Variants in NKAIN2 observed in about 807,000 individuals in gnomAD.
NKAIN2 encodes sodium/potassium transporting ATPase interacting 2, also known as sodium/potassium-transporting ATPase subunit beta-1-interacting protein 2.
Under a neutral mutation model 32.6 loss-of-function variants are expected in NKAIN2, and 14 were observed. The ratio of observed to expected loss-of-function variants is 0.43; its 90% confidence interval spans 0.28 to 0.67. The LOEUF (loss-of-function observed/expected upper bound fraction) is 0.67. Among genes scored for constraint, NKAIN2 ranks in the 30% least tolerant of loss-of-function variants. NKAIN2 has a pLI of 0.17. For missense variants in NKAIN2, 198 were observed against 258.3 expected (o/e 0.77, Z 1.60); for synonymous variants, 80 against 87.2 (o/e 0.92, Z 0.46).
In NKAIN2 at chr6:123,826,978, C is replaced by G. The variant is rs143522687; in HGVS notation, c.54+22724C>G. Among the ~76,000 whole-genome samples the G allele has an allele frequency of 1.8e-3, 280 of 152,204 alleles. 1 individual carries two copies. Among genetic ancestry groups the G allele is most frequent in the Non-Finnish European group, 3.2e-3 (221 of 68,004 alleles). On this transcript the variant is annotated intron_variant, in intron 1 of 6. Transcript: ENST00000368417. ...TCCCACCAGCAGTGCATAAGGGTTT[C>G]AGTTCCTCTGCATCCTGGCTGACAC...
At chr6:123,924,115 A>C (rs1255406168) in intron 1 of NKAIN2, among the ~76,000 whole-genome samples, 1 of 152,166 alleles carries the variant, frequency 6.6e-6, no homozygotes, top group Admixed American at 6.5e-5. Flanking sequence ...TTTATTGTCA[A>C]AGAATTTTCT....
At chr6:124,303,982 T>C (rs2114983761) in intron 2 of NKAIN2, among the ~76,000 whole-genome samples, 1 of 152,294 alleles carries the variant, frequency 6.6e-6, no homozygotes, top group Middle Eastern at 3.4e-3. Flanking sequence ...TGCCATTTAC[T>C]GTAGTGGGTG....
At chr6:124,657,813 G>C (rs12529293) in intron 3 of NKAIN2, among the ~76,000 whole-genome samples, 15,024 of 151,988 alleles carry the variant, frequency 0.099, 941 homozygotes, top group East Asian at 0.23. Context: ...AGCAGATTTA[G>C]AATAGCATGA....
intron 1 of NKAIN2, among the ~76,000 whole-genome samples, chr6:124,094,109 A>G (rs1784547691): frequency 6.6e-6 from 1 of 152,174 alleles, no homozygotes; most frequent in South Asian, 2.1e-4. Flanking sequence ...CAAGTCTGCC[A>G]TGTAACACCC....
chr6:124,648,551 C>A (rs1265356250), intron 3 of NKAIN2, among the ~76,000 whole-genome samples: 1 of 152,092 alleles, frequency 6.6e-6, no homozygotes, highest in Non-Finnish European at 1.5e-5. Context: ...GTTCAACATG[C>A]AAGAGAACTG....
chr6:124,510,285 T>C (rs1045876678), intron 3 of NKAIN2, among the ~76,000 whole-genome samples: 10 of 152,292 alleles, frequency 6.6e-5, no homozygotes, highest in Non-Finnish European at 1.5e-4. Context: ...TAAATTTTCA[T>C]TTTTTCTTTA....
chr6:124,558,307 G>T (rs531042), intron 3 of NKAIN2, among the ~76,000 whole-genome samples: 111,507 of 152,108 alleles, frequency 0.73, 42,384 homozygotes, highest in East Asian at 1. Flanking sequence ...AAGACATAAT[G>T]GAAGGTCTTG....
At chr6:124,617,192 C>A (rs915058114) in intron 3 of NKAIN2, among the ~76,000 whole-genome samples, 3 of 152,158 alleles carry the variant, frequency 2.0e-5, no homozygotes, top group Admixed American at 1.3e-4. Flanking sequence ...TCTTTTAGGG[C>A]TTAGTACTTA....
At chr6:124,004,724 TG>T (rs983940750) in intron 1 of NKAIN2, among the ~76,000 whole-genome samples, 7 of 151,042 alleles carry the variant, frequency 4.6e-5, no homozygotes, top group African/African-American at 1.5e-4. Context: ...GGTGGGGGGA[TG>T]GGGGAGGTAT....
chr6:124,717,090 A>G (rs1775790967), intron 4 of NKAIN2, among the ~76,000 whole-genome samples: 1 of 152,252 alleles, frequency 6.6e-6, no homozygotes, highest in Non-Finnish European at 1.5e-5. Context: ...CCAGAACTAC[A>G]GTACACACAA....
At chr6:124,687,973 G>T (rs531192260) in intron 4 of NKAIN2, among the ~76,000 whole-genome samples, 11 of 151,292 alleles carry the variant, frequency 7.3e-5, no homozygotes, top group African/African-American at 2.4e-4. Context: ...TTCATTTTTT[G>T]CTTCCAGCAA....
In NKAIN2 at chr6:124,531,716, G is replaced by A. The variant is rs982471878; in HGVS notation, c.274-126470G>A. Among the ~76,000 whole-genome samples the A allele has an allele frequency of 6.6e-5, 10 of 151,938 alleles. No homozygotes were observed. In the East Asian group the frequency reaches 1.9e-3, roughly 29 times the overall value. On this transcript the variant is annotated intron_variant, in intron 3 of 6. Coordinates refer to ENST00000368417, the MANE Select transcript of NKAIN2 (RefSeq NM_001040214.3). Reference sequence around the variant, plus strand: ...CCAAGACGGAGTCTCACTCTGTTGCGCAGGCTGGAGTGCAGTGGTATGATC... The same window carrying A: ...CCAAGACGGAGTCTCACTCTGTTGCACAGGCTGGAGTGCAGTGGTATGATC...
chr6:123,940,930 G>A (rs57914582), intron 1 of NKAIN2, among the ~76,000 whole-genome samples: 1 of 151,650 alleles, frequency 6.6e-6, no homozygotes, highest in Non-Finnish European at 1.5e-5. Flanking sequence ...TTAAACTTTT[G>A]ATTCTTTTGT....
chr6:124,710,146 T>G lies in NKAIN2; in HGVS notation c.474+51760T>G, dbSNP rs560315431. On this transcript the variant is annotated intron_variant, in intron 4 of 6. Transcript: ENST00000368417. ...TTCCATGTAGTTGAGCGGTTTTGAG[T>G]GAGATTCTTAATCCTGAGTTCTAGT... is the stretch of plus-strand genomic sequence containing the variant. Among the ~76,000 whole-genome samples the G allele has an allele frequency of 2.2e-3, 340 of 151,670 alleles. 3 individuals are homozygous for G. Among genetic ancestry groups the G allele is most frequent in the African/African-American group, 7.7e-3 (318 of 41,442 alleles).
chr6:124,136,998 A>T (rs1266699931), intron 1 of NKAIN2, among the ~76,000 whole-genome samples: 2 of 152,158 alleles, frequency 1.3e-5, no homozygotes, highest in Non-Finnish European at 2.9e-5. Flanking sequence ...ATAGTACTGT[A>T]AGTCCTAGCC....
At chr6:124,182,195 T>G (rs1422171697) in intron 1 of NKAIN2, among the ~76,000 whole-genome samples, 4 of 152,116 alleles carry the variant, frequency 2.6e-5, no homozygotes, top group African/African-American at 9.7e-5. Flanking sequence ...TTCACTATCA[T>G]GAGAACAGCA....
intron 3 of NKAIN2, among the ~76,000 whole-genome samples, chr6:124,598,678 A>AG (rs1208851392): frequency 7.3e-6 from 1 of 136,192 alleles, no homozygotes; most frequent in African/African-American, 2.8e-5. Context: ...AAGATTTTGA[A>AG]AAAAAAAAAA....
intron 3 of NKAIN2, among the ~76,000 whole-genome samples, chr6:124,565,874 G>A (rs950934291): frequency 5.3e-5 from 8 of 152,130 alleles, no homozygotes; most frequent in Admixed American, 1.3e-4. Flanking sequence ...AGCCAATCTT[G>A]AATACATTTA....
At chr6:123,838,066 TA>T (rs1774705610) in intron 1 of NKAIN2, among the ~76,000 whole-genome samples, 1 of 152,140 alleles carries the variant, frequency 6.6e-6, no homozygotes, top group Admixed American at 6.6e-5. Flanking sequence ...AAGTTAGCCC[TA>T]AATAGGATTT....
Sources: allele counts gnomAD v4.1 joint callset (sites outside exome capture counted in the v4.1 genomes callset), GRCh38; gene constraint gnomAD v4.1.1; transcripts MANE v1.5; gene names NCBI Gene and HGNC (gene_info 2026-07-23, HGNC 2026-07-21).